Variants in MSL2 observed in about 807,000 individuals in gnomAD.
MSL2 encodes E3 ubiquitin-protein ligase MSL2.
A neutral mutation model predicts 35.8 loss-of-function variants in MSL2; 2 were observed. The observed-to-expected ratio is 0.06, with a 90% CI of 0.02 to 0.18. The LOEUF (loss-of-function observed/expected upper bound fraction) is 0.18. MSL2 is among the 10% of genes least tolerant of loss of function. The pLI, the probability that MSL2 is intolerant of heterozygous loss-of-function variation, is 1.00. For synonymous variants in MSL2, 296 were observed against 255.7 expected (o/e 1.16, Z -1.50); for missense variants, 523 against 706.7 (o/e 0.74, Z 2.95).
rs1940800724 is a variant in MSL2, at chr3:136,195,187, C to T, written c.-74G>A. Reference sequence around the variant, plus strand: ...TCCAACTTAGTAAGCAGCCAGGGAACGATGGCGAATTTGCAACAATTCGGA... The same window carrying T: ...TCCAACTTAGTAAGCAGCCAGGGAATGATGGCGAATTTGCAACAATTCGGA... On this transcript the variant is annotated 5_prime_UTR_variant, in exon 1 of 2. Transcript: ENST00000309993. 1 of 1,547,278 alleles carries T rather than the reference C, an allele frequency of 6.5e-7. No homozygotes were observed. The highest frequency in any genetic ancestry group is 8.7e-7 in the Non-Finnish European group (1 of 1,150,162).
intron 1 of MSL2, among the ~76,000 whole-genome samples, chr3:136,162,563 G>C (rs773008780): frequency 1.3e-5 from 2 of 152,160 alleles, no homozygotes; most frequent in South Asian, 2.1e-4. Flanking sequence ...CTGGGCAACA[G>C]AGCCTGCACC....
At chr3:136,152,902 T>A (rs1325199249) in intron 1 of MSL2, 164 bp from the exon 2 acceptor site, 1 of 985,312 alleles carries the variant, frequency 1.0e-6, no homozygotes, top group Admixed American at 6.1e-5. Context: ...GAATCTTCAA[T>A]TAGCTCGCTT....
chr3:136,155,677 C>T (rs1939497446), intron 1 of MSL2: 1 of 488,684 alleles, frequency 2.0e-6, no homozygotes, highest in Non-Finnish European at 4.1e-6. Flanking sequence ...CTAAACAAAA[C>T]CTGCTGCCTG....
chr3:136,192,342 C>A (rs1335221984), intron 1 of MSL2, among the ~76,000 whole-genome samples: 1 of 152,116 alleles, frequency 6.6e-6, no homozygotes, highest in East Asian at 1.9e-4. Context: ...CCACACCCAG[C>A]TAATTTGTGT....
At chr3:136,158,998 T>C (rs1160110521) in intron 1 of MSL2, among the ~76,000 whole-genome samples, 4 of 152,198 alleles carry the variant, frequency 2.6e-5, no homozygotes, top group African/African-American at 9.6e-5. Flanking sequence ...TACCAATATA[T>C]TGTCAAGATG....
At chr3:136,184,751 G>A (rs371398644) in intron 1 of MSL2, among the ~76,000 whole-genome samples, 2,466 of 11,708 alleles carry the variant, frequency 0.21, 16 homozygotes, top group East Asian at 0.41. Context: ...AAAAAAAAAA[G>A]GGGGGGGGGG....
chr3:136,175,329 G>A (rs1046110064), intron 1 of MSL2, among the ~76,000 whole-genome samples: 5 of 146,930 alleles, frequency 3.4e-5, no homozygotes, highest in Non-Finnish European at 6.0e-5. Flanking sequence ...GGGCGACAGA[G>A]CAAGACTCCG....
intron 1 of MSL2, among the ~76,000 whole-genome samples, chr3:136,178,724 G>A (rs893163398): frequency 4.5e-5 from 6 of 132,762 alleles, no homozygotes; most frequent in Non-Finnish European, 9.5e-5. Context: ...TAGTAGAGAC[G>A]GGGTTTCACC....
At chr3:136,175,792 T>C (rs1459140782) in intron 1 of MSL2, among the ~76,000 whole-genome samples, 3 of 152,190 alleles carry the variant, frequency 2.0e-5, no homozygotes, top group Admixed American at 2.0e-4. Context: ...GAAGAGTGAA[T>C]TGTTTAGCCT....
In MSL2 at chr3:136,149,147, T is replaced by C. The variant is rs2108053352; in HGVS notation, c.*2000A>G. The C allele has an allele frequency of 1.3e-5, 2 of 151,278 alleles. No individual in the cohort carries two copies. The highest frequency in any genetic ancestry group is 3.9e-4 in the East Asian group (2 of 5,144). 9.4% of individuals were successfully genotyped at this position (151,278 alleles called of 1,614,324 possible). On this transcript the variant is annotated 3_prime_UTR_variant, in exon 2 of 2. Coordinates refer to ENST00000309993, the MANE Select transcript of MSL2 (RefSeq NM_018133.4). The stretch of plus-strand genomic sequence containing the variant: ...AAAAAAAAAAAAACCCACAAGATTA[T>C]CAAACTTGGGAAGCAATAAAGTACT...
chr3:136,178,180 A>G (rs1303770278), intron 1 of MSL2, among the ~76,000 whole-genome samples: 1 of 152,232 alleles, frequency 6.6e-6, no homozygotes, highest in Non-Finnish European at 1.5e-5. Context: ...GTTTATCTTA[A>G]TAACTAAGTA....
chr3:136,183,458 T>C (rs1230242981), intron 1 of MSL2, among the ~76,000 whole-genome samples: 1 of 152,136 alleles, frequency 6.6e-6, no homozygotes, highest in Non-Finnish European at 1.5e-5. Flanking sequence ...GGTCTCACTC[T>C]GCCACCCAGG....
chr3:136,159,354 C>CTTTTTTTTTTTTTTTTTTTTTTTTTTTTT (rs71157361), intron 1 of MSL2, among the ~76,000 whole-genome samples: 1 of 70,054 alleles, frequency 1.4e-5, no homozygotes, highest in African/African-American at 5.6e-5. Flanking sequence ...AGAGTACTTT[C>CTTTTTTTTTTTTTTTTTTTTTTTTTTTTT]TTTTTTTTTT....
intron 1 of MSL2, among the ~76,000 whole-genome samples, chr3:136,189,521 G>A (rs1404691563): frequency 3.4e-5 from 5 of 149,246 alleles, no homozygotes; most frequent in South Asian, 2.2e-4. Context: ...TCAGGAGATC[G>A]AGACCATCCT....
chr3:136,159,354 CTTTT>C (rs71157361), intron 1 of MSL2, among the ~76,000 whole-genome samples: 177 of 70,060 alleles, frequency 2.5e-3, no homozygotes, highest in African/African-American at 9.1e-3. Flanking sequence ...AGAGTACTTT[CTTTT>C]TTTTTTTTTT....
chr3:136,171,467 T>C (rs1940023918), intron 1 of MSL2, among the ~76,000 whole-genome samples: 1 of 152,214 alleles, frequency 6.6e-6, no homozygotes, highest in South Asian at 2.1e-4. Flanking sequence ...CATGTGACCA[T>C]GAATGAGTTG....
chr3:136,190,807 G>A lies in MSL2; in HGVS notation c.142+4165C>T, dbSNP rs1333164843. On this transcript the variant is annotated intron_variant, in intron 1 of 1. Transcript: ENST00000309993. Reference sequence around the variant, plus strand: ...TCTGATAAAGCAAGTCCAACATTTAGAACATGAGCGAGAAATCGACACTTA... The same window carrying A: ...TCTGATAAAGCAAGTCCAACATTTAAAACATGAGCGAGAAATCGACACTTA... Among the ~76,000 whole-genome samples, 4 of 152,092 alleles carry A rather than the reference G, an allele frequency of 2.6e-5. No homozygotes were observed. The East Asian group carries it at 7.7e-4, about 29-fold the overall frequency.
chr3:136,179,004 A>G (rs1383924139), intron 1 of MSL2, among the ~76,000 whole-genome samples: 2 of 99,136 alleles, frequency 2.0e-5, no homozygotes, highest in South Asian at 6.0e-4. Context: ...TTTTTTTTTT[A>G]AGAGACAAGG....
At position 136,151,345 on chromosome 3, in the gene MSL2, T is replaced by C. The variant is rs374792812; in HGVS notation, c.1536A>G (p.Ala512=). 4 of 1,614,090 alleles carry C rather than the reference T, an allele frequency of 2.5e-6. No homozygotes were observed. The highest frequency in any genetic ancestry group is 1.3e-5 in the African/African-American group (1 of 74,932). ...CCAAGGCCTTTTCTGGCACGGCAAA[T>C]GCCTCCAGCTTCTTCTCCCCATTGG... is the stretch of plus-strand genomic sequence containing the variant. ...YMANGEKKLE[A]FAVPEKALEQ... The change falls in exon 2 of 2, where the codon GCA becomes GCG. Residue 512 remains alanine, a synonymous_variant. Coordinates refer to ENST00000309993, the MANE Select transcript of MSL2 (RefSeq NM_018133.4). This position sits in a 1 kb window ranked among gnomAD's most constrained non-coding sequence, Gnocchi z 5.2.
Sources: gnomAD v4.1 joint callset for allele counts (sites outside exome capture counted in the v4.1 genomes callset) on GRCh38, gnomAD v4.1.1 for gene constraint, Gnocchi (gnomAD v3.1) non-coding constraint, MANE v1.5 for transcripts, NCBI Gene and HGNC (gene_info 2026-07-23, HGNC 2026-07-21) for gene names.